Variants in FBXO28 observed in about 807,000 individuals in gnomAD.
FBXO28 encodes F-box only protein 28.
Under a neutral mutation model 38.1 loss-of-function variants are expected in FBXO28, and 8 were observed. That is an observed-to-expected ratio of 0.21 (90% CI 0.12 to 0.38). The LOEUF is 0.38. Ranked by LOEUF, FBXO28 falls within the 10% of genes least tolerant of loss-of-function variation. FBXO28 has a pLI of 1.00. For synonymous variants in FBXO28, 168 were observed against 173.8 expected, an observed-to-expected ratio of 0.97 and a Z score of 0.26; for missense variants, 345 against 460.6, an observed-to-expected ratio of 0.75 and a Z score of 2.30.
intron 3 of FBXO28, among the ~76,000 whole-genome samples, chr1:224,137,547 G>A (rs760491602): frequency 1.3e-4 from 20 of 151,780 alleles, no homozygotes; most frequent in South Asian, 6.3e-4. Flanking sequence ...AAAAGAAAAA[G>A]GAAGACAGAA....
rs1235038030 is a variant in FBXO28 at position 224,153,274 on chromosome 1, C to T, written c.649C>T (p.Pro217Ser). ...AMEYFDEKIV[P>S]ILKRKLPGSD... is the part of the protein sequence containing the mutation. ...GGAGTACTTTGATGAAAAGATTGTTCCAATTTTAAAGAGGAAATTACCAGG... is the reference window on the plus strand; with the variant it reads ...GGAGTACTTTGATGAAAAGATTGTTTCAATTTTAAAGAGGAAATTACCAGG... The change falls in exon 4 of 5, where the codon CCA becomes TCA. Residue 217 changes from proline to serine, a missense_variant. Around this residue, in one of 6 missense-constraint regions of FBXO28, gnomAD observed 151 missense variants for 188.3 expected, o/e 0.80. Transcript: ENST00000366862. 2 of 1,610,860 alleles carry T rather than the reference C, an allele frequency of 1.2e-6. No homozygotes were observed. Among genetic ancestry groups the T allele is most frequent in the African/African-American group, 1.3e-5 (1 of 74,820 alleles).
chr1:224,118,062 C>T (rs979723248), intron 1 of FBXO28, among the ~76,000 whole-genome samples: 3 of 151,686 alleles, frequency 2.0e-5, no homozygotes, highest in African/African-American at 4.8e-5. Flanking sequence ...CTCCCTCTGT[C>T]GCCCAGGCTG....
At chr1:224,148,788 G>C (rs1657572146) in intron 3 of FBXO28, among the ~76,000 whole-genome samples, 1 of 152,088 alleles carries the variant, frequency 6.6e-6, no homozygotes, top group Admixed American at 6.6e-5. Context: ...TCATCCCTGT[G>C]CTCAACTCCA....
At chr1:224,154,977 CAAA>C (rs34053203) in intron 4 of FBXO28, among the ~76,000 whole-genome samples, 2 of 124,292 alleles carry the variant, frequency 1.6e-5, no homozygotes, top group African/African-American at 3.2e-5. Flanking sequence ...GACTCCGTCT[CAAA>C]AAAAAAAAAA....
At chr1:224,125,941 TTTAAAG>T (rs755292472) in intron 1 of FBXO28, among the ~76,000 whole-genome samples, 11 of 152,308 alleles carry the variant, frequency 7.2e-5, no homozygotes, top group Non-Finnish European at 1.5e-4. Flanking sequence ...TCATTCTCTT[TTTAAAG>T]TTATTTATCT....
At chr1:224,156,808 G>A (rs1021295919) in intron 4 of FBXO28, among the ~76,000 whole-genome samples, 48 of 152,268 alleles carry the variant, frequency 3.2e-4, no homozygotes, top group African/African-American at 1.2e-3. Context: ...CACCATCCTG[G>A]CTAACATGGT....
At chr1:224,134,246 C>T (rs1053913838) in intron 3 of FBXO28, 34 bp downstream of exon 3, 1 of 1,604,420 alleles carries the variant, frequency 6.2e-7, no homozygotes, top group Non-Finnish European at 8.5e-7. Context: ...AACAGCTGGA[C>T]TGCCCTACAT....
chr1:224,138,249 G>T (rs1657245013), intron 3 of FBXO28, among the ~76,000 whole-genome samples: 1 of 151,680 alleles, frequency 6.6e-6, no homozygotes, highest in Non-Finnish European at 1.5e-5. Context: ...ATTTAGACAG[G>T]TTACAAGTTT....
At chr1:224,121,977 T>C (rs894560053) in intron 1 of FBXO28, among the ~76,000 whole-genome samples, 2 of 152,112 alleles carry the variant, frequency 1.3e-5, no homozygotes, top group African/African-American at 4.8e-5. Flanking sequence ...GGTTTCACCA[T>C]CTTGGCCAGG....
At chr1:224,157,203 A>T in intron 4 of FBXO28, 149 bp from the exon 5 acceptor site, 1 of 903,406 alleles carries the variant, frequency 1.1e-6, no homozygotes, top group South Asian at 2.0e-5. Context: ...TTAAATTATG[A>T]TGATTAACCC....
chr1:224,144,548 A>G (rs1225972842), intron 3 of FBXO28, among the ~76,000 whole-genome samples: 1 of 151,364 alleles, frequency 6.6e-6, no homozygotes, highest in Non-Finnish European at 1.5e-5. Context: ...TCACGAGGTC[A>G]AGAGATCGGG....
chr1:224,128,236 A>G (rs975054264), intron 1 of FBXO28, among the ~76,000 whole-genome samples: 1 of 145,650 alleles, frequency 6.9e-6, no homozygotes, highest in African/African-American at 2.5e-5. Flanking sequence ...TTTTTTTATT[A>G]TTATTATTAT....
chr1:224,123,719 A>T (rs941008976), intron 1 of FBXO28, among the ~76,000 whole-genome samples: 2 of 152,186 alleles, frequency 1.3e-5, no homozygotes, highest in African/African-American at 4.8e-5. Flanking sequence ...CTAAGACATT[A>T]TATATCGTAG....
At chr1:224,128,010 G>A (rs1656945613) in intron 1 of FBXO28, among the ~76,000 whole-genome samples, 1 of 152,080 alleles carries the variant, frequency 6.6e-6, no homozygotes, top group Admixed American at 6.6e-5. Context: ...TACCCTTTTA[G>A]GAAGTTATCT....
rs1491523295 is a variant in FBXO28, at chr1:224,127,208, GTT to G, written c.268-3262_268-3261del. On this transcript the variant is annotated intron_variant, in intron 1 of 4. Transcript: ENST00000366862. ...TATGTGTGTGTGTGTGTGTGTGTGT[GTT>G]TATGTTTGGCACGCTTATTTTTTCC... 3.5e-3 allele frequency among the ~76,000 whole-genome samples: 532 copies of G among 150,278 alleles called. 4 individuals carry two copies. In the Middle Eastern group the frequency reaches 0.041, roughly 12 times the overall value.
rs562649004 is a variant in FBXO28, at chr1:224,117,044, G to A, written c.267+2648G>A. Among the ~76,000 whole-genome samples the A allele has an allele frequency of 8.5e-5, 13 of 152,176 alleles. No individual in the cohort carries two copies. In the East Asian group the frequency reaches 2.5e-3, roughly 29 times the overall value. On this transcript the variant is annotated intron_variant, in intron 1 of 4. Transcript: ENST00000366862. Reference sequence around the variant, plus strand: ...AAAAATTAGCCAGGCATAATGGTGGGTGCCTGTAATCCCAGCTACTTGGGA... The same window carrying A: ...AAAAATTAGCCAGGCATAATGGTGGATGCCTGTAATCCCAGCTACTTGGGA...
At chr1:224,117,628 T>C (rs1424814732) in intron 1 of FBXO28, among the ~76,000 whole-genome samples, 1 of 152,184 alleles carries the variant, frequency 6.6e-6, no homozygotes, top group East Asian at 1.9e-4. Context: ...GAGAAATTTG[T>C]GCTGATGCAG....
chr1:224,155,627 A>AT (rs928945712), intron 4 of FBXO28, among the ~76,000 whole-genome samples: 3 of 152,240 alleles, frequency 2.0e-5, no homozygotes, highest in Non-Finnish European at 4.4e-5. Flanking sequence ...AGTACTTTAA[A>AT]TTAGGAAAGA....
At chr1:224,151,917 C>T (rs1214302496) in intron 3 of FBXO28, among the ~76,000 whole-genome samples, 3 of 151,980 alleles carry the variant, frequency 2.0e-5, no homozygotes, top group Non-Finnish European at 4.4e-5. Flanking sequence ...TGGCACATGT[C>T]TGTAATCCCA....
Sources: allele counts gnomAD v4.1 joint callset (sites outside exome capture counted in the v4.1 genomes callset), GRCh38; gene constraint gnomAD v4.1.1; regional missense constraint gnomAD v4.1.1; transcripts MANE v1.5; gene names NCBI Gene and HGNC (gene_info 2026-07-23, HGNC 2026-07-21).